Variants in HIVEP1 observed in about 807,000 individuals in gnomAD.
The protein encoded by HIVEP1 is HIVEP zinc finger 1.
Under a neutral mutation model 180.0 loss-of-function variants are expected in HIVEP1, and 36 were observed. The observed-to-expected ratio is 0.20, with a 90% CI of 0.15 to 0.26. The LOEUF is 0.26. Among genes scored for constraint, HIVEP1 ranks in the 10% least tolerant of loss-of-function variants. The pLI, the probability that HIVEP1 is intolerant of heterozygous loss-of-function variation, is 1.00. For missense variants in HIVEP1, 3,143 were observed against 3,268.7 expected (o/e 0.96, Z 0.94); for synonymous variants, 1,239 against 1,239.0 (o/e 1.00, Z 0.00).
intron 8 of HIVEP1, 95 bp from the exon 9 acceptor site, chr6:12,163,188 T>G: frequency 1.1e-6 from 1 of 917,174 alleles, no homozygotes; most frequent in Middle Eastern, 2.4e-4. Flanking sequence ...TACTTACTTT[T>G]ATCTCATTGT....
chr6:12,144,793 G>A (rs1759267879), intron 7 of HIVEP1, among the ~76,000 whole-genome samples: 1 of 152,220 alleles, frequency 6.6e-6, no homozygotes, highest in Non-Finnish European at 1.5e-5. Context: ...CTGGTCATCA[G>A]AGAAATGCAA....
rs1184020758 is a variant in HIVEP1, at chr6:12,104,380, C to T, written c.94+15143C>T. On this transcript the variant is annotated intron_variant, in intron 3 of 8. Coordinates refer to ENST00000379388, the MANE Select transcript of HIVEP1 (RefSeq NM_002114.4). ...TGACTTATTCTCTCTCTCTCTCTTTCTCTCTCTCTCTTCGTTTCTCTCTCT... is the reference window on the plus strand; with the variant it reads ...TGACTTATTCTCTCTCTCTCTCTTTTTCTCTCTCTCTTCGTTTCTCTCTCT... Among the ~76,000 whole-genome samples, 441 of 140,702 alleles carry T rather than the reference C, an allele frequency of 3.1e-3. 4 individuals carry two copies. The highest frequency in any genetic ancestry group is 0.011 in the African/African-American group (422 of 38,024). 92.3% of individuals were successfully genotyped at this position (140,702 alleles called of 152,430 possible).
chr6:12,110,063 T>G (rs1055036956), intron 3 of HIVEP1, among the ~76,000 whole-genome samples: 6 of 152,216 alleles, frequency 3.9e-5, no homozygotes, highest in African/African-American at 1.4e-4. Flanking sequence ...TTAAAAGAAA[T>G]CTATTTTTTC....
chr6:12,158,055 T>TA (rs1760166583), intron 7 of HIVEP1, among the ~76,000 whole-genome samples: 1 of 152,192 alleles, frequency 6.6e-6, no homozygotes, highest in Non-Finnish European at 1.5e-5. Context: ...GAACCATAGT[T>TA]ATTTTAAATT....
chr6:12,195,844 T>A, the HIVEP1 span, among the ~76,000 whole-genome samples: 2 of 152,238 alleles, frequency 1.3e-5, no homozygotes, highest in African/African-American at 4.8e-5. Flanking sequence ...TTTACCTGTA[T>A]CTGAATATAT....
chr6:12,029,262 T>C (rs758402669), intron 2 of HIVEP1, among the ~76,000 whole-genome samples: 1 of 152,188 alleles, frequency 6.6e-6, no homozygotes, highest in Non-Finnish European at 1.5e-5. Context: ...CTAGGGTTAT[T>C]GTTTGCATGG....
At chr6:12,037,875 T>C in intron 2 of HIVEP1, 1 of 401,980 alleles carries the variant, frequency 2.5e-6, no homozygotes, top group South Asian at 1.1e-4. Flanking sequence ...TGTGCCTAGC[T>C]ACTTTTTTTT....
At chr6:12,017,991 G>T (rs1767934419) in intron 2 of HIVEP1, among the ~76,000 whole-genome samples, 3 of 152,242 alleles carry the variant, frequency 2.0e-5, no homozygotes, top group African/African-American at 7.2e-5. Flanking sequence ...CATCGGGGAG[G>T]CTGGGGCCGT....
At chr6:12,167,461 CAA>C (rs1287661279), downstream of HIVEP1, among the ~76,000 whole-genome samples, 16 of 150,486 alleles carry the variant, frequency 1.1e-4, no homozygotes, top group South Asian at 2.9e-3. Flanking sequence ...AATCTTCTCT[CAA>C]AGTGACTTCC....
intron 3 of HIVEP1, among the ~76,000 whole-genome samples, chr6:12,100,872 T>A (rs566910740): frequency 2.0e-5 from 3 of 152,260 alleles, no homozygotes; most frequent in African/African-American, 7.2e-5. Context: ...ATAGGGATGC[T>A]CAGCCGGCAA....
chr6:12,071,575 A>T (rs1771969586), intron 2 of HIVEP1, among the ~76,000 whole-genome samples: 1 of 152,230 alleles, frequency 6.6e-6, no homozygotes. Flanking sequence ...ATTTTTTAAG[A>T]AGCACTTTAA....
upstream of HIVEP1, among the ~76,000 whole-genome samples, chr6:12,011,007 C>A (rs897476990): frequency 7.2e-5 from 11 of 152,076 alleles, no homozygotes; most frequent in Admixed American, 2.6e-4. Context: ...GGGTTAATTG[C>A]GCTCGCAGCT....
At chr6:12,206,852 C>A in the HIVEP1 span, among the ~76,000 whole-genome samples, 1 of 151,536 alleles carries the variant, frequency 6.6e-6, no homozygotes, top group African/African-American at 2.4e-5. Context: ...GTTGTCCAAA[C>A]CCTTTGCCCC....
rs6930779 is a variant in HIVEP1 at position 12,063,635 on chromosome 6, G to A, written c.41-25549G>A. 0.072 allele frequency among the ~76,000 whole-genome samples: 10,949 copies of A among 152,240 alleles called. 431 individuals are homozygous for A. Among genetic ancestry groups the A allele is most frequent in the Admixed American group, 0.13 (1,979 of 15,294 alleles). On this transcript the variant is annotated intron_variant, in intron 2 of 8. Coordinates refer to ENST00000379388, the MANE Select transcript of HIVEP1 (RefSeq NM_002114.4). The surrounding 1 kb of genome is among the most constrained non-coding windows in gnomAD (Gnocchi z 4.2). ...AGGGGCTTGGATCTGGGTGGCTGAAGTGGGCAGCTTGGAGAGGTTTTTGGA... is the reference window on the plus strand; with the variant it reads ...AGGGGCTTGGATCTGGGTGGCTGAAATGGGCAGCTTGGAGAGGTTTTTGGA...
chr6:12,125,907 C>T (rs779559670), intron 4 of HIVEP1, 37 bp downstream of exon 4: 240 of 1,311,588 alleles, frequency 1.8e-4, no homozygotes, highest in Admixed American at 7.0e-4. Flanking sequence ...ATATGGTTTG[C>T]GCAAATTTGT....
At chr6:12,073,773 C>A (rs901246613) in intron 2 of HIVEP1, among the ~76,000 whole-genome samples, 2 of 152,170 alleles carry the variant, frequency 1.3e-5, no homozygotes, top group African/African-American at 2.4e-5. Flanking sequence ...ATATTAAAAT[C>A]TTGGGGAACC....
intron 2 of HIVEP1, among the ~76,000 whole-genome samples, chr6:12,086,356 A>G (rs1007576335): frequency 2.0e-5 from 3 of 152,278 alleles, no homozygotes; most frequent in African/African-American, 7.2e-5. Context: ...CTTCAGATTT[A>G]CTGACGTGGT....
chr6:12,093,150 T>C (rs114878775), intron 3 of HIVEP1, among the ~76,000 whole-genome samples: 2 of 152,180 alleles, frequency 1.3e-5, no homozygotes, highest in African/African-American at 4.8e-5. Flanking sequence ...GCAAATGGCC[T>C]CCTGCTTATT....
intron 2 of HIVEP1, among the ~76,000 whole-genome samples, chr6:12,071,155 C>T (rs16872237): frequency 0.11 from 16,970 of 152,230 alleles, 991 homozygotes; most frequent in Middle Eastern, 0.14. Flanking sequence ...ATTGACTTCT[C>T]ATCCCTAATA....
Sources: allele counts gnomAD v4.1 joint callset (sites outside exome capture counted in the v4.1 genomes callset), GRCh38; gene constraint gnomAD v4.1.1; non-coding constraint Gnocchi (gnomAD v3.1); transcripts MANE v1.5; gene names NCBI Gene and HGNC (gene_info 2026-07-23, HGNC 2026-07-21).